The following ARHGAP1 variants were observed in gnomAD, a reference collection of about 807,000 sequenced individuals.
ARHGAP1 encodes the protein rho GTPase-activating protein 1.
In ARHGAP1, 23 loss-of-function variants were observed where a neutral mutation model predicts 52.2. That is an observed-to-expected ratio of 0.44 (90% CI 0.32 to 0.62). The LOEUF is 0.62. Among genes scored for constraint, ARHGAP1 ranks in the 20% least tolerant of loss-of-function variants. ARHGAP1 has a pLI of 0.05. For missense variants in ARHGAP1, 480 were observed against 560.9 expected (o/e 0.86, Z 1.46); for synonymous variants, 210 against 228.4 (o/e 0.92, Z 0.73).
In ARHGAP1 at chr11:46,682,298, C is replaced by A. The variant is rs1303842392; in HGVS notation, c.318-116G>T. 1.2e-5 allele frequency: 17 copies of A among 1,384,200 alleles called. No homozygotes were observed. The Admixed American group carries it at 3.4e-4, about 27-fold the overall frequency. 85.7% of individuals were successfully genotyped at this position (1,384,200 alleles called of 1,614,324 possible). On this transcript the variant is annotated intron_variant, in intron 4 of 12. Coordinates refer to ENST00000311956, the MANE Select transcript of ARHGAP1 (RefSeq NM_004308.5). ...CACAGCCCCTTCCCCACAGGCCCTC[C>A]CCTAGCACAGTCTGTTCTGGCTCAT... is the stretch of plus-strand genomic sequence containing the variant.
Position 46,680,930 on chromosome 11 carries a change from A to G in ARHGAP1, c.635+81T>C. ...TCGGGACACGGGCTTGCTCTGCCTAAGCCCCACGCGGTCTCTGAATCAGGA... is the reference window on the plus strand; with the variant it reads ...TCGGGACACGGGCTTGCTCTGCCTAGGCCCCACGCGGTCTCTGAATCAGGA... On this transcript the variant is annotated intron_variant, in intron 7 of 12. Transcript: ENST00000311956. The surrounding 1 kb of genome is among the most constrained non-coding windows in gnomAD (Gnocchi z 5.9). 7.4e-7 allele frequency: 1 copy of G among 1,347,270 alleles called. No individual in the cohort carries two copies. Among genetic ancestry groups the G allele is most frequent in the Admixed American group, 1.7e-5 (1 of 58,058 alleles). The allele number at this position is 1,347,270 out of a possible 1,614,324, so 83.5% of individuals were successfully genotyped here.
Position 46,695,561 on chromosome 11 carries a change from G to A in ARHGAP1, c.229+99C>T, listed in dbSNP as rs575240151. 5.6e-4 allele frequency: 714 copies of A among 1,271,350 alleles called. 5 individuals are homozygous for A. The highest frequency in any genetic ancestry group is 4.5e-3 in the South Asian group (349 of 77,822). 78.8% of individuals were successfully genotyped at this position (1,271,350 alleles called of 1,614,324 possible). ...ACATGCCAGGAGCACCAGGGCCAGC[G>A]GTCAGACTGCAGAGAGGCCCTTCCC... On this transcript the variant is annotated intron_variant, in intron 3 of 12. Coordinates refer to ENST00000311956, the MANE Select transcript of ARHGAP1 (RefSeq NM_004308.5).
chr11:46,693,656 C>T (rs1390124395), intron 3 of ARHGAP1, among the ~76,000 whole-genome samples: 1 of 152,096 alleles, frequency 6.6e-6, no homozygotes, highest in Non-Finnish European at 1.5e-5. Flanking sequence ...TGGAGTTAAT[C>T]ACCAACAGGT....
rs34845803 is a variant in ARHGAP1 at position 46,677,944 on chromosome 11, GAA to G, written c.*1091_*1092del. 1,453 of 358,410 alleles carry G rather than the reference GAA, an allele frequency of 4.1e-3. No individual in the cohort carries two copies. Among genetic ancestry groups the G allele is most frequent in the East Asian group, 7.9e-3 (89 of 11,272 alleles). The allele number at this position is 358,410 out of a possible 1,614,324, so 22.2% of individuals were successfully genotyped here. ...GGTGACAGAGCGAGACTCCATCTCA[GAA>G]AAAAAAAAAAAAAGGTGGCCCTAGA... On this transcript the variant is annotated 3_prime_UTR_variant, in exon 13 of 13. Coordinates refer to ENST00000311956, the MANE Select transcript of ARHGAP1 (RefSeq NM_004308.5).
chr11:46,679,310 C>T lies in ARHGAP1; in HGVS notation c.1131+55G>A, dbSNP rs1434626511. On this transcript the variant is annotated intron_variant, in intron 12 of 12. Transcript: ENST00000311956. The surrounding 1 kb of genome is among the most constrained non-coding windows in gnomAD (Gnocchi z 4.4). ...AACAATGACCAGGGCGCAGAGGAGG[C>T]GGCAGCTCCTCCTTCCCCCTCCCTT... 5.6e-6 allele frequency: 9 copies of T among 1,600,280 alleles called. No individual in the cohort carries two copies. Among genetic ancestry groups the T allele is most frequent in the African/African-American group, 1.3e-5 (1 of 74,644 alleles).
chr11:46,685,218 T>A (rs866497684), intron 4 of ARHGAP1, among the ~76,000 whole-genome samples: 28 of 150,718 alleles, frequency 1.9e-4, no homozygotes, highest in Middle Eastern at 3.4e-3. Context: ...TGGGAGACCT[T>A]TTTTTTTTCA....
In ARHGAP1 at chr11:46,677,160, T is replaced by G. The variant is rs2064483195; in HGVS notation, c.*1877A>C. On this transcript the variant is annotated 3_prime_UTR_variant, in exon 13 of 13. Coordinates refer to ENST00000311956, the MANE Select transcript of ARHGAP1 (RefSeq NM_004308.5). ...TTGGTGCCAAGGAAGTCATTAAGTG[T>G]GAATGTGAACACTGGATTCACACAG... 2 of 152,722 alleles carry G rather than the reference T, an allele frequency of 1.3e-5. No individual in the cohort carries two copies. The highest frequency in any genetic ancestry group is 4.1e-4 in the South Asian group (2 of 4,824). The allele number at this position is 152,722 out of a possible 1,614,324, so 9.5% of individuals were successfully genotyped here. A position where few individuals can be genotyped will look rare whatever the true frequency, so the allele number is the denominator to read the frequency against.
chr11:46,678,898 G>C lies in ARHGAP1; in HGVS notation c.*139C>G, dbSNP rs976651965. 2 of 990,750 alleles carry C rather than the reference G, an allele frequency of 2.0e-6. No individual in the cohort carries two copies. The highest frequency in any genetic ancestry group is 2.9e-6 in the Non-Finnish European group (2 of 683,288). The allele number at this position is 990,750 out of a possible 1,614,324, so 61.4% of individuals were successfully genotyped here. On this transcript the variant is annotated 3_prime_UTR_variant, in exon 13 of 13. Coordinates refer to ENST00000311956, the MANE Select transcript of ARHGAP1 (RefSeq NM_004308.5). Reference sequence around the variant, plus strand: ...CGAGGCCGCCAGGGCCGTGAGGCGGGCTGGACAGAGGTGGGGGAGAGCATG... The same window carrying C: ...CGAGGCCGCCAGGGCCGTGAGGCGGCCTGGACAGAGGTGGGGGAGAGCATG...
intron 3 of ARHGAP1, among the ~76,000 whole-genome samples, chr11:46,694,798 C>T (rs1034407353): frequency 6.6e-6 from 1 of 152,198 alleles, no homozygotes; most frequent in African/African-American, 2.4e-5. Flanking sequence ...ACACCTTTGA[C>T]GTTCGGGGCA....
intron 4 of ARHGAP1, chr11:46,686,935 A>C (rs1440314649): frequency 1.3e-5 from 2 of 152,258 alleles, no homozygotes; most frequent in African/African-American, 2.4e-5. Flanking sequence ...ACTAGGACGG[A>C]AGTGATGGAG....
intron 4 of ARHGAP1, among the ~76,000 whole-genome samples, chr11:46,682,789 A>G (rs1046702771): frequency 6.6e-6 from 1 of 152,194 alleles, no homozygotes; most frequent in Non-Finnish European, 1.5e-5. Context: ...GAAAAGGGGA[A>G]TGACGTTTCC....
At chr11:46,695,573 G>T in intron 3 of ARHGAP1, 87 bp downstream of exon 3, 2 of 1,365,830 alleles carry the variant, frequency 1.5e-6, no homozygotes, top group Non-Finnish European at 2.0e-6. Context: ...TCAGACTGCA[G>T]AGAGGCCCTT....
At chr11:46,685,973 C>CTT (rs879269497) in intron 4 of ARHGAP1, among the ~76,000 whole-genome samples, 2 of 123,264 alleles carry the variant, frequency 1.6e-5, no homozygotes, top group African/African-American at 3.0e-5. Flanking sequence ...CGTACCCGGA[C>CTT]TTTTTTTTTT....
intron 4 of ARHGAP1, 85 bp from the exon 5 acceptor site, chr11:46,682,267 C>A (rs753453775): frequency 2.6e-6 from 4 of 1,555,756 alleles, no homozygotes; most frequent in Non-Finnish European, 3.5e-6. Flanking sequence ...GAGTCTCCCA[C>A]CACGTCACAG....
rs117061005 is a variant in ARHGAP1, at chr11:46,684,584, C to T, written c.318-2402G>A. Reference sequence around the variant, plus strand: ...TAGAATAGCTCACAGGACATTTCTGCAGACAGAATGAATCTGTGAAGTCAG... The same window carrying T: ...TAGAATAGCTCACAGGACATTTCTGTAGACAGAATGAATCTGTGAAGTCAG... On this transcript the variant is annotated intron_variant, in intron 4 of 12. Transcript: ENST00000311956. Among the ~76,000 whole-genome samples the T allele has an allele frequency of 3.7e-3, 570 of 152,254 alleles. 4 individuals are homozygous for T. Among genetic ancestry groups the T allele is most frequent in the Non-Finnish European group, 6.0e-3 (409 of 68,024 alleles).
intron 4 of ARHGAP1, chr11:46,687,707 T>A (rs2064581613): frequency 6.5e-6 from 1 of 154,828 alleles, no homozygotes. Context: ...CTATTACATA[T>A]GTTTGGCCCC....
chr11:46,681,248 G>A lies in ARHGAP1; in HGVS notation c.536+45C>T. The A allele has an allele frequency of 6.3e-7, 1 of 1,579,684 alleles. No individual in the cohort carries two copies. Among genetic ancestry groups the A allele is most frequent in the Admixed American group, 1.7e-5 (1 of 59,952 alleles). ...GGCTGCCCAGCCTCCCAGCTTCAGA[G>A]TTCCAGGCAAGCCGGGACCACCAGC... On this transcript the variant is annotated intron_variant, in intron 6 of 12. Coordinates refer to ENST00000311956, the MANE Select transcript of ARHGAP1 (RefSeq NM_004308.5). This position sits in a 1 kb window ranked among gnomAD's most constrained non-coding sequence, Gnocchi z 5.7.
At chr11:46,682,307 AG>A in intron 4 of ARHGAP1, 125 bp from the exon 5 acceptor site, 1 of 1,316,336 alleles carries the variant, frequency 7.6e-7, no homozygotes, top group Non-Finnish European at 1.0e-6. Context: ...CCCCTAGCAC[AG>A]TCTGTTCTGG....
At chr11:46,693,887 T>C (rs889910818) in intron 3 of ARHGAP1, among the ~76,000 whole-genome samples, 2 of 152,170 alleles carry the variant, frequency 1.3e-5, no homozygotes, top group Non-Finnish European at 2.9e-5. Flanking sequence ...CTACAAATCA[T>C]GGCCTTTTTC....
Sources: allele counts gnomAD v4.1 joint callset (sites outside exome capture counted in the v4.1 genomes callset), GRCh38; gene constraint gnomAD v4.1.1; non-coding constraint Gnocchi (gnomAD v3.1); transcripts MANE v1.5; gene names NCBI Gene and HGNC (gene_info 2026-07-23, HGNC 2026-07-21).